The following HS3ST3A1 variants were observed in gnomAD, a reference collection of about 807,000 sequenced individuals.
HS3ST3A1 encodes the protein heparan sulfate-glucosamine 3-sulfotransferase 3A1, also known as heparan sulfate glucosamine 3-O-sulfotransferase 3A1.
A neutral mutation model predicts 25.7 loss-of-function variants in HS3ST3A1; 19 were observed. That is an observed-to-expected ratio of 0.74 (90% CI 0.52 to 1.08). The LOEUF is 1.08. Ranked by LOEUF, HS3ST3A1 falls within the 50% of genes least tolerant of loss-of-function variation. The pLI, the probability that HS3ST3A1 is intolerant of heterozygous loss-of-function variation, is 0.00. For missense variants in HS3ST3A1, 459 were observed against 594.3 expected, an observed-to-expected ratio of 0.77 and a Z score of 2.37; for synonymous variants, 226 against 278.6, an observed-to-expected ratio of 0.81 and a Z score of 1.88.
chr17:13,535,389 A>C (rs1245535340), intron 1 of HS3ST3A1, among the ~76,000 whole-genome samples: 6 of 152,208 alleles, frequency 3.9e-5, no homozygotes, highest in Admixed American at 3.9e-4. Context: ...AAAAAGCATG[A>C]AAGTGCAAAA....
At chr17:13,522,204 T>C (rs796714898) in intron 1 of HS3ST3A1, among the ~76,000 whole-genome samples, 1 of 151,282 alleles carries the variant, frequency 6.6e-6, no homozygotes, top group South Asian at 2.1e-4. Context: ...TATGTATGTA[T>C]ATGCAGATAA....
intron 1 of HS3ST3A1, among the ~76,000 whole-genome samples, chr17:13,519,188 G>A (rs1227221910): frequency 6.6e-6 from 1 of 152,152 alleles, no homozygotes; most frequent in Non-Finnish European, 1.5e-5. Context: ...TCTGCTTAAT[G>A]TGTTCTTAAA....
chr17:13,578,323 G>T (rs766829201), intron 1 of HS3ST3A1, among the ~76,000 whole-genome samples: 1 of 150,750 alleles, frequency 6.6e-6, no homozygotes, highest in Non-Finnish European at 1.5e-5. Context: ...CGAGGTGGGC[G>T]GATCACCTGA....
chr17:13,546,569 A>G (rs905257773), intron 1 of HS3ST3A1, among the ~76,000 whole-genome samples: 4 of 152,068 alleles, frequency 2.6e-5, no homozygotes, highest in Non-Finnish European at 4.4e-5. Context: ...CCCAGCCCAT[A>G]TTACGCTTCT....
chr17:13,586,866 T>C (rs1413733742), intron 1 of HS3ST3A1, among the ~76,000 whole-genome samples: 7 of 18,788 alleles, frequency 3.7e-4, no homozygotes, highest in African/African-American at 2.5e-3. Context: ...AGAGACTCTG[T>C]CTCACAAAAA....
chr17:13,536,484 C>T (rs1171678614), intron 1 of HS3ST3A1, among the ~76,000 whole-genome samples: 1 of 152,194 alleles, frequency 6.6e-6, no homozygotes, highest in African/African-American at 2.4e-5. Flanking sequence ...TGGGTATTCC[C>T]CTCTGCACTG....
At chr17:13,544,586 G>T (rs981988052) in intron 1 of HS3ST3A1, among the ~76,000 whole-genome samples, 6 of 152,152 alleles carry the variant, frequency 3.9e-5, no homozygotes, top group Admixed American at 2.6e-4. Context: ...TCTCATTGCT[G>T]CAGAGAAGTG....
intron 1 of HS3ST3A1, among the ~76,000 whole-genome samples, chr17:13,523,930 A>T (rs1382862018): frequency 6.6e-6 from 1 of 152,028 alleles, no homozygotes; most frequent in Non-Finnish European, 1.5e-5. Context: ...CATTCTTCCT[A>T]CCTTAATATT....
chr17:13,553,688 A>G (rs1172294362), intron 1 of HS3ST3A1, among the ~76,000 whole-genome samples: 3 of 152,180 alleles, frequency 2.0e-5, no homozygotes, highest in African/African-American at 7.2e-5. Context: ...AGATGCCCCT[A>G]GCCAGCTAAC....
intron 1 of HS3ST3A1, among the ~76,000 whole-genome samples, chr17:13,505,881 G>T (rs1428057832): frequency 6.6e-6 from 1 of 151,812 alleles, no homozygotes; most frequent in Admixed American, 6.6e-5. Context: ...AAAATTAGCC[G>T]GGTGTGGTGG....
At chr17:13,575,131 T>C (rs1363650599) in intron 1 of HS3ST3A1, among the ~76,000 whole-genome samples, 1 of 152,192 alleles carries the variant, frequency 6.6e-6, no homozygotes, top group Non-Finnish European at 1.5e-5. Flanking sequence ...AAGGCCACTC[T>C]TGCTTGCTCT....
chr17:13,565,055 A>G (rs1233462980), intron 1 of HS3ST3A1, among the ~76,000 whole-genome samples: 1 of 151,854 alleles, frequency 6.6e-6, no homozygotes, highest in African/African-American at 2.4e-5. Context: ...ATCTTATTTG[A>G]TGCTTTCTAT....
intron 1 of HS3ST3A1, among the ~76,000 whole-genome samples, chr17:13,527,016 A>T (rs1413702516): frequency 6.6e-6 from 1 of 152,026 alleles, no homozygotes; most frequent in Non-Finnish European, 1.5e-5. Context: ...CTATTCTGGG[A>T]ACTGAGAATC....
chr17:13,572,214 G>A (rs1399028262), intron 1 of HS3ST3A1, among the ~76,000 whole-genome samples: 1 of 152,138 alleles, frequency 6.6e-6, no homozygotes, highest in East Asian at 1.9e-4. Context: ...TTTCTCTAAA[G>A]GTGAATGAAT....
At chr17:13,514,402 T>C (rs1905986084) in intron 1 of HS3ST3A1, among the ~76,000 whole-genome samples, 1 of 152,154 alleles carries the variant, frequency 6.6e-6, no homozygotes, top group Non-Finnish European at 1.5e-5. Flanking sequence ...TTAAATTCAG[T>C]TTAAATCATG....
At chr17:13,505,441 T>A (rs1156968575) in intron 1 of HS3ST3A1, among the ~76,000 whole-genome samples, 3 of 151,988 alleles carry the variant, frequency 2.0e-5, no homozygotes. Flanking sequence ...TCTGAAACAG[T>A]GTGCAGGTTT....
chr17:13,499,549 G>C (rs1427811481), intron 1 of HS3ST3A1, among the ~76,000 whole-genome samples: 2 of 144,966 alleles, frequency 1.4e-5, no homozygotes, highest in Non-Finnish European at 3.0e-5. Flanking sequence ...AATAGAGAGA[G>C]AATAATACTT....
At chr17:13,571,135 G>A (rs1024492669) in intron 1 of HS3ST3A1, among the ~76,000 whole-genome samples, 20 of 152,170 alleles carry the variant, frequency 1.3e-4, no homozygotes, top group Non-Finnish European at 1.0e-4. Context: ...GAGGAAGGGG[G>A]CTTTGCAAAG....
At chr17:13,518,454 G>A (rs1906123375) in intron 1 of HS3ST3A1, among the ~76,000 whole-genome samples, 1 of 152,212 alleles carries the variant, frequency 6.6e-6, no homozygotes, top group African/African-American at 2.4e-5. Flanking sequence ...ATAAAAAAAT[G>A]TTTTGAGTTA....
Sources: allele counts gnomAD v4.1 joint callset (sites outside exome capture counted in the v4.1 genomes callset), GRCh38; gene constraint gnomAD v4.1.1; transcripts MANE v1.5; gene names NCBI Gene and HGNC (gene_info 2026-07-23, HGNC 2026-07-21).